CUL4B: variants seen among roughly 807,000 people sequenced by gnomAD.
CUL4B encodes the protein cullin-4B.
In CUL4B, 1 loss-of-function variant was observed where a neutral mutation model predicts 69.2. That is an observed-to-expected ratio of 0.01 (90% CI 0.01 to 0.07). CUL4B has a LOEUF of 0.07. Ranked by LOEUF, CUL4B falls within the 10% of genes least tolerant of loss-of-function variation. The pLI, the probability that CUL4B is intolerant of heterozygous loss-of-function variation, is 1.00. For missense variants in CUL4B, 328 were observed against 638.8 expected (o/e 0.51, Z 5.24); for synonymous variants, 237 against 223.2 (o/e 1.06, Z -0.55).
In CUL4B at chrX:120,560,448, G is replaced by A; in HGVS notation, c.191C>T (p.Ser64Phe). The A allele has an allele frequency of 8.3e-7, 1 of 1,210,183 alleles. No homozygotes were observed. Among genetic ancestry groups the A allele is most frequent in the South Asian group, 1.8e-5 (1 of 56,909 alleles). ...EREDFDSTSS[S>F]SSTPPLQPRD... ...GGGTTGTAAAGGAGGAGTGGAAGAG[G>A]AGGAAGAGGTGGAATCAAAGTCTTC... The change falls in exon 1 of 20, where the codon TCC (serine) becomes TTC (phenylalanine). Residue 64 changes from serine to phenylalanine, a missense_variant. Physicochemically the swap from Ser to Phe is radical, Grantham distance 155. Around this residue, in one of 4 missense-constraint regions of CUL4B, gnomAD observed 102 missense variants for 122.1 expected, o/e 0.84. Transcript: ENST00000371322.
At chrX:120,547,664 C>A (rs1286884310) in intron 2 of CUL4B, among the ~76,000 whole-genome samples, 1 of 111,303 alleles carries the variant, frequency 9.0e-6, no homozygotes, top group East Asian at 2.8e-4. Context: ...TACTGAGTGT[C>A]AACTTGATTG....
intron 4 of CUL4B, 123 bp from the exon 5 acceptor site, chrX:120,545,640 A>G: frequency 4.0e-6 from 2 of 498,355 alleles, no homozygotes; most frequent in South Asian, 2.9e-5. Flanking sequence ...AAGATCAAAC[A>G]TGCAGATAAA....
chrX:120,560,767 C>A lies in CUL4B; in HGVS notation c.-129G>T. The A allele has an allele frequency of 1.1e-6, 1 of 926,782 alleles. No individual in the cohort carries two copies. The highest frequency in any genetic ancestry group is 1.3e-6 in the Non-Finnish European group (1 of 749,286). The allele number at this position is 926,782 out of a possible 1,213,427, so 76.4% of individuals were successfully genotyped here. ...AAGAAGAGAGGAGAAACACAGAGGACGAGAAGGAAAGTGAAGGGGGGGGCT... is the reference window on the plus strand; with the variant it reads ...AAGAAGAGAGGAGAAACACAGAGGAAGAGAAGGAAAGTGAAGGGGGGGGCT... On this transcript the variant is annotated 5_prime_UTR_variant, in exon 1 of 20. Coordinates refer to ENST00000371322, the MANE Select transcript of CUL4B (RefSeq NM_001079872.2).
At chrX:120,548,120 A>G (rs1178631784) in intron 2 of CUL4B, among the ~76,000 whole-genome samples, 1 of 111,285 alleles carries the variant, frequency 9.0e-6, no homozygotes, top group East Asian at 2.8e-4. Flanking sequence ...CAAAAAATTT[A>G]AAAATTAGCT....
intron 18 of CUL4B, among the ~76,000 whole-genome samples, chrX:120,531,669 A>C (rs1238011403): frequency 1.8e-5 from 2 of 110,267 alleles, no homozygotes; most frequent in African/African-American, 6.6e-5. Context: ...CATGTTGGCC[A>C]AGCTGGTTTT....
chrX:120,545,887 A>G (rs956377885), intron 4 of CUL4B, among the ~76,000 whole-genome samples: 21 of 108,692 alleles, frequency 1.9e-4, no homozygotes, highest in Non-Finnish European at 2.1e-4. Flanking sequence ...GGGAGGGGTG[A>G]TGGATTTTAA....
downstream of CUL4B, among the ~76,000 whole-genome samples, chrX:120,567,075 TG>T (rs1476018059): frequency 3.6e-5 from 4 of 110,237 alleles, no homozygotes; most frequent in African/African-American, 1.3e-4. Context: ...TTTGATCTAA[TG>T]GCATTCAGCT....
upstream of CUL4B, among the ~76,000 whole-genome samples, chrX:120,564,908 C>G (rs750415949): frequency 3.6e-5 from 4 of 112,165 alleles, no homozygotes; most frequent in Admixed American, 2.8e-4. Context: ...CAACTCATAC[C>G]TTAGAAACAT....
At chrX:120,563,527 T>A (rs1925405214), upstream of CUL4B, among the ~76,000 whole-genome samples, 2 of 112,337 alleles carry the variant, frequency 1.8e-5, no homozygotes, top group African/African-American at 6.5e-5. Flanking sequence ...TAGTTCTTGC[T>A]GCCCAAATAG....
rs180965104 is a variant in CUL4B, at chrX:120,534,345, A to C, written c.2266+136T>G. 4.7e-4 allele frequency: 242 copies of C among 510,635 alleles called. No individual in the cohort carries two copies. The African/African-American group carries it at 5.5e-3, about 12-fold the overall frequency. 42.1% of individuals were successfully genotyped at this position (510,635 alleles called of 1,213,427 possible). The stretch of plus-strand genomic sequence containing the variant: ...ACCCCAGCCTGGGTGACAGAGTGAG[A>C]CCCTGTCTCATTAAAAAAAAAGAAA... On this transcript the variant is annotated intron_variant, in intron 17 of 19. Transcript: ENST00000371322.
intron 18 of CUL4B, among the ~76,000 whole-genome samples, chrX:120,531,990 C>T (rs188263653): frequency 9.0e-6 from 1 of 111,264 alleles, no homozygotes; most frequent in Admixed American, 9.6e-5. Flanking sequence ...TCTACTTCCA[C>T]AAATTTATCA....
intron 17 of CUL4B, among the ~76,000 whole-genome samples, chrX:120,534,014 C>T (rs533285341): frequency 9.1e-6 from 1 of 109,747 alleles, no homozygotes; most frequent in Non-Finnish European, 1.9e-5. Context: ...TGCAGTGAGC[C>T]GAGATCGCGC....
At chrX:120,533,252 T>C (rs1320113303) in intron 17 of CUL4B, among the ~76,000 whole-genome samples, 1 of 112,176 alleles carries the variant, frequency 8.9e-6, no homozygotes, top group African/African-American at 3.2e-5. Flanking sequence ...ACTTTATGCC[T>C]GAATCATCCC....
intron 2 of CUL4B, among the ~76,000 whole-genome samples, chrX:120,550,337 CA>C (rs1263016099): frequency 9.0e-6 from 1 of 111,261 alleles, no homozygotes; most frequent in Non-Finnish European, 1.9e-5. Flanking sequence ...ATGAAGTATT[CA>C]AAAAAAACTC....
intron 2 of CUL4B, among the ~76,000 whole-genome samples, chrX:120,555,445 T>C (rs756976588): frequency 8.9e-6 from 1 of 111,948 alleles, no homozygotes; most frequent in East Asian, 2.8e-4. Context: ...AAGAGCTTTT[T>C]CCCTAAAGTA....
exon 1 of CUL4B, chrX:120,575,452 G>A (rs1209258895): frequency 1.8e-5 from 2 of 112,103 alleles, no homozygotes; most frequent in Non-Finnish European, 3.8e-5. Context: ...TAAGGTCCGA[G>A]CTGTCTAAAG....
chrX:120,547,074 T>C (rs1443527026), intron 3 of CUL4B, 62 bp downstream of exon 3: 2 of 750,717 alleles, frequency 2.7e-6, no homozygotes, highest in Non-Finnish European at 4.2e-6. Flanking sequence ...GGTTAAACAG[T>C]GAGGGGTAGG....
chrX:120,536,052 T>C lies in CUL4B; in HGVS notation c.2047-109A>G, dbSNP rs964119004. On this transcript the variant is annotated intron_variant, in intron 15 of 19. Coordinates refer to ENST00000371322, the MANE Select transcript of CUL4B (RefSeq NM_001079872.2). ...GTTTCTGGAAAATTTTAAGACTATA[T>C]CCAGTAGGTCCACCAATCACTTTGA... The C allele has an allele frequency of 1.7e-5, 9 of 531,862 alleles. No individual in the cohort carries two copies. The African/African-American group carries it at 1.8e-4, about 11-fold the overall frequency. 43.8% of individuals were successfully genotyped at this position (531,862 alleles called of 1,213,427 possible). A position where few individuals can be genotyped will look rare whatever the true frequency, so the allele number is the denominator to read the frequency against.
In CUL4B at chrX:120,535,334, A is replaced by C. The variant is rs1011744323; in HGVS notation, c.2160+496T>G. ...AATCGTGGAAAGACCACACACCTAA[A>C]ATTACTTAAAAATACATAAAGCTAT... On this transcript the variant is annotated intron_variant, in intron 16 of 19. Transcript: ENST00000371322. Among the ~76,000 whole-genome samples, 3 of 111,510 alleles carry C rather than the reference A, an allele frequency of 2.7e-5. No homozygotes were observed. The Admixed American group carries it at 2.9e-4, about 11-fold the overall frequency.
Sources: allele counts gnomAD v4.1 joint callset (sites outside exome capture counted in the v4.1 genomes callset), GRCh38; gene constraint gnomAD v4.1.1; regional missense constraint gnomAD v4.1.1; transcripts MANE v1.5; gene names NCBI Gene and HGNC (gene_info 2026-07-23, HGNC 2026-07-21).